COBL: variants seen among roughly 807,000 people sequenced by gnomAD.
COBL encodes the protein protein cordon-bleu.
A neutral mutation model predicts 98.8 loss-of-function variants in COBL; 51 were observed. That is an observed-to-expected ratio of 0.52 (90% CI 0.41 to 0.65). COBL has a LOEUF of 0.65. Among genes scored for constraint, COBL ranks in the 30% least tolerant of loss-of-function variants. COBL has a pLI of 0.00. For missense variants in COBL, 1,617 were observed against 1,617.5 expected, an observed-to-expected ratio of 1.00 and a Z score of 0.01; for synonymous variants, 634 against 651.7, an observed-to-expected ratio of 0.97 and a Z score of 0.41.
chr7:51,275,443 C>T (rs1225083962), intron 1 of COBL, among the ~76,000 whole-genome samples: 1 of 152,192 alleles, frequency 6.6e-6, no homozygotes, highest in African/African-American at 2.4e-5. Flanking sequence ...GAACCACTGC[C>T]TCCAGTTCTG....
intron 5 of COBL, among the ~76,000 whole-genome samples, chr7:51,155,093 T>C (rs1785983338): frequency 6.6e-6 from 1 of 152,186 alleles, no homozygotes; most frequent in African/African-American, 2.4e-5. Context: ...TCCAATTAAC[T>C]CCAATGTTTT....
intron 5 of COBL, among the ~76,000 whole-genome samples, chr7:51,183,671 C>A (rs932554555): frequency 3.9e-5 from 6 of 152,258 alleles, no homozygotes; most frequent in African/African-American, 1.2e-4. Context: ...GACTGATACT[C>A]TTCTCTGCCA....
intron 7 of COBL, chr7:51,073,233 G>C (rs1792735516): frequency 4.0e-6 from 2 of 502,586 alleles, no homozygotes; most frequent in East Asian, 3.0e-5. Flanking sequence ...GTAAATTCTG[G>C]GTATACAATG....
intron 11 of COBL, 110 bp downstream of exon 11, chr7:51,026,436 A>T: frequency 7.1e-7 from 1 of 1,400,642 alleles, no homozygotes; most frequent in Admixed American, 2.1e-5. Context: ...CAGATGGTTC[A>T]CCATCCAATC....
At chr7:51,086,442 G>A (rs1794260132) in intron 6 of COBL, among the ~76,000 whole-genome samples, 1 of 150,268 alleles carries the variant, frequency 6.7e-6, no homozygotes, top group South Asian at 2.1e-4. Flanking sequence ...GTAGCTCAGA[G>A]CCAAGTCTGT....
In COBL at chr7:51,305,832, G is replaced by A. The variant is rs1298105700; in HGVS notation, c.41+10761C>T. The stretch of plus-strand genomic sequence containing the variant: ...GTGGATCACTTGAGGTCAGGAGTTC[G>A]AGACCAGCCCGGCCAACATGGTGAA... On this transcript the variant is annotated intron_variant, in intron 1 of 12. Coordinates refer to ENST00000265136, the MANE Select transcript of COBL (RefSeq NM_015198.5). 2.0e-5 allele frequency among the ~76,000 whole-genome samples: 3 copies of A among 152,028 alleles called. 1 individual carries two copies. Among genetic ancestry groups the A allele is most frequent in the South Asian group, 4.1e-4 (2 of 4,824 alleles).
chr7:51,044,539 T>C (rs978791757), intron 7 of COBL, among the ~76,000 whole-genome samples: 2 of 152,224 alleles, frequency 1.3e-5, no homozygotes, highest in East Asian at 1.9e-4. Context: ...CCCAGATGTA[T>C]ATTAGAGTTG....
intron 6 of COBL, among the ~76,000 whole-genome samples, chr7:51,093,048 G>A (rs1794957964): frequency 6.6e-6 from 1 of 152,058 alleles, no homozygotes; most frequent in Admixed American, 6.5e-5. Flanking sequence ...AAACTAAATA[G>A]CTCCTGCACA....
At chr7:51,048,810 T>C (rs941686753) in intron 7 of COBL, among the ~76,000 whole-genome samples, 2 of 152,204 alleles carry the variant, frequency 1.3e-5, no homozygotes, top group African/African-American at 4.8e-5. Flanking sequence ...AACTTTGACA[T>C]TTCTTAAGCA....
chr7:51,060,721 G>A (rs756528513), intron 7 of COBL, among the ~76,000 whole-genome samples: 8 of 152,152 alleles, frequency 5.3e-5, no homozygotes, highest in Admixed American at 3.9e-4. Context: ...TCTATTGGCC[G>A]ATGGGTCTTA....
In COBL at chr7:51,272,780, C is replaced by T. The variant is rs549003388; in HGVS notation, c.41+43813G>A. ...CAAAGCTTGTACTTTGGGAGTCTCC[C>T]CATGTCTAAATTAAAGCCCAAGACA... On this transcript the variant is annotated intron_variant, in intron 1 of 12. Transcript: ENST00000265136. Among the ~76,000 whole-genome samples the T allele has an allele frequency of 6.6e-5, 10 of 152,248 alleles. No homozygotes were observed. In the East Asian group the frequency reaches 1.9e-3, roughly 29 times the overall value.
chr7:51,101,878 C>T (rs1293828899), intron 6 of COBL, among the ~76,000 whole-genome samples: 1 of 152,084 alleles, frequency 6.6e-6, no homozygotes, highest in Non-Finnish European at 1.5e-5. Context: ...TGTGTGTGTT[C>T]CCCCAAAATT....
chr7:51,093,139 G>A (rs1292549007), intron 6 of COBL, among the ~76,000 whole-genome samples: 1 of 151,992 alleles, frequency 6.6e-6, no homozygotes, highest in Non-Finnish European at 1.5e-5. Flanking sequence ...GCTGATAAAA[G>A]GCTAATAACC....
At chr7:51,179,894 T>C (rs1012212335) in intron 5 of COBL, among the ~76,000 whole-genome samples, 1 of 152,212 alleles carries the variant, frequency 6.6e-6, no homozygotes, top group South Asian at 2.1e-4. Context: ...ATGATTTTTG[T>C]GACTTCTTTT....
Position 51,281,992 on chromosome 7 carries a change from T to A in COBL, c.41+34601A>T, listed in dbSNP as rs1799858560. 8.5e-5 allele frequency among the ~76,000 whole-genome samples: 13 copies of A among 152,252 alleles called. No individual in the cohort carries two copies. The South Asian group carries it at 2.7e-3, about 32-fold the overall frequency. ...TAAAATACTGATTCTAAGGAGACTG[T>A]GAGAAGTTTGATTATTTTAATCCCT... On this transcript the variant is annotated intron_variant, in intron 1 of 12. Transcript: ENST00000265136.
At chr7:51,248,049 GA>G (rs1796408162) in intron 1 of COBL, among the ~76,000 whole-genome samples, 3 of 152,156 alleles carry the variant, frequency 2.0e-5, no homozygotes, top group South Asian at 4.1e-4. Context: ...TGAGGTGGGA[GA>G]ATTGTCTGAG....
rs372443929 is a variant in COBL, at chr7:51,136,217, G to A, written c.898C>T (p.Arg300Cys). 24 of 1,613,228 alleles carry A rather than the reference G, an allele frequency of 1.5e-5. No individual in the cohort carries two copies. Among genetic ancestry groups the A allele is most frequent in the African/African-American group, 2.7e-5 (2 of 74,880 alleles). ...GAACCTGGAGGAGGAGGGGCTCGGC[G>A]CTTCTTCATCTCCGACTTCACGGAC... ...GVSVKSEMKK[R>C]RAPPPPGSGP... Residue 300 changes from arginine to cysteine, a missense_variant, in exon 6 of 13, where the codon CGC (arginine) becomes TGC (cysteine). Coordinates refer to ENST00000265136, the MANE Select transcript of COBL (RefSeq NM_015198.5).
intron 1 of COBL, among the ~76,000 whole-genome samples, chr7:51,258,295 C>T (rs1234689442): frequency 6.6e-6 from 1 of 152,034 alleles, no homozygotes; most frequent in Admixed American, 6.5e-5. Flanking sequence ...AAAACAAAGC[C>T]CCAGGAATCT....
intron 1 of COBL, among the ~76,000 whole-genome samples, chr7:51,227,092 G>A (rs1794277579): frequency 6.6e-6 from 1 of 152,168 alleles, no homozygotes; most frequent in South Asian, 2.1e-4. Flanking sequence ...TGGACTCCTT[G>A]ACACATACTA....
Sources: gnomAD v4.1 joint callset for allele counts (sites outside exome capture counted in the v4.1 genomes callset) on GRCh38, gnomAD v4.1.1 for gene constraint, MANE v1.5 for transcripts, NCBI Gene and HGNC (gene_info 2026-07-23, HGNC 2026-07-21) for gene names.